Variants in MED13L observed in about 807,000 individuals in gnomAD.
MED13L encodes mediator complex subunit 13L, also known as mediator of RNA polymerase II transcription subunit 13-like.
Under a neutral mutation model 220.9 loss-of-function variants are expected in MED13L, and 7 were observed. The ratio of observed to expected loss-of-function variants is 0.03; its 90% CI spans 0.02 to 0.06. The LOEUF (loss-of-function observed/expected upper bound fraction) is 0.06, where lower values mean the gene tolerates loss of function less well. MED13L is among the 10% of genes least tolerant of loss of function. The pLI is 1.00. For synonymous variants in MED13L, 1,011 were observed against 1,015.2 expected, an observed-to-expected ratio of 1.00 and a Z score of 0.08; for missense variants, 1,965 against 2,760.5, an observed-to-expected ratio of 0.71 and a Z score of 6.46.
rs550767565 is a variant in MED13L at position 116,202,369 on chromosome 12, C to G, written c.310+35099G>C. ...AGATATAAGTACCCTTCGTTCAAAG[C>G]AGAATCATTTTACAGAGCTTAAGAT... On this transcript the variant is annotated intron_variant, in intron 2 of 30. Transcript: ENST00000281928. Among the ~76,000 whole-genome samples the G allele has an allele frequency of 6.0e-4, 92 of 152,228 alleles. No homozygotes were observed. In the South Asian group the frequency reaches 0.019, roughly 31 times the overall value.
At chr12:116,047,327 G>A (rs1359066916) in intron 4 of MED13L, among the ~76,000 whole-genome samples, 1 of 152,190 alleles carries the variant, frequency 6.6e-6, no homozygotes, top group African/African-American at 2.4e-5. Flanking sequence ...ACCCCAGCCT[G>A]GGTGACAGAG....
chr12:116,010,916 G>A (rs985064452), intron 9 of MED13L, among the ~76,000 whole-genome samples: 24 of 149,168 alleles, frequency 1.6e-4, no homozygotes, highest in Non-Finnish European at 2.5e-4. Context: ...GTCTCGCTCT[G>A]TCTAGGCTGG....
chr12:116,199,440 C>A (rs1398830220), intron 2 of MED13L, among the ~76,000 whole-genome samples: 1 of 152,176 alleles, frequency 6.6e-6, no homozygotes, highest in African/African-American at 2.4e-5. Context: ...TCCTCATCTG[C>A]AAGAAACACT....
In MED13L at chr12:116,237,542, T is replaced by A. The variant is rs1231054017; in HGVS notation, c.236A>T (p.Asp79Val). The change falls in exon 2 of 31, where the codon GAT (aspartate) becomes GTT (valine). Residue 79 changes from aspartate to valine, a missense_variant. By Grantham distance (152) the Asp-to-Val change is radical. Transcript: ENST00000281928. The part of the protein sequence containing the change: ...LCVWRRDVKP[D>V]CKELWIFWWG... ...CCAGAATATCCATAACTCTTTGCAA[T>A]CTGGTTTGACATCACGACGCCATAC... is the stretch of plus-strand genomic sequence containing the variant. 2 of 1,614,074 alleles carry A rather than the reference T, an allele frequency of 1.2e-6. No individual in the cohort carries two copies. The highest frequency in any genetic ancestry group is 2.7e-5 in the African/African-American group (2 of 74,908).
In MED13L at chr12:116,268,422, T is replaced by TA. The variant is rs1212367653; in HGVS notation, c.72+8637dup. On this transcript the variant is annotated intron_variant, in intron 1 of 30. Coordinates refer to ENST00000281928, the MANE Select transcript of MED13L (RefSeq NM_015335.5). ...AATTATACTCTTCTGAATACCTTAT[T>TA]AGTGCTCATATTAAGTTCAGATAAA... Among the ~76,000 whole-genome samples the TA allele has an allele frequency of 2.6e-5, 4 of 152,334 alleles. No individual in the cohort carries two copies. The East Asian group carries it at 7.7e-4, about 29-fold the overall frequency.
intron 4 of MED13L, 108 bp downstream of exon 4, chr12:116,096,561 A>C: frequency 1.3e-6 from 1 of 758,892 alleles, no homozygotes; most frequent in Non-Finnish European, 2.4e-6. Context: ...GATCTATTTG[A>C]GTATATCTAA....
chr12:116,092,442 T>C (rs1166975534), intron 4 of MED13L, among the ~76,000 whole-genome samples: 15 of 151,954 alleles, frequency 9.9e-5, no homozygotes, highest in Admixed American at 7.9e-4. Flanking sequence ...CAGTGATAGC[T>C]AATTAATTCA....
At chr12:116,108,890 T>C (rs1017170970) in intron 3 of MED13L, among the ~76,000 whole-genome samples, 9 of 152,032 alleles carry the variant, frequency 5.9e-5, no homozygotes, top group East Asian at 3.9e-4. Flanking sequence ...ACATGATATA[T>C]ATCTATCATC....
chr12:116,275,928 T>C (rs1430569009), intron 1 of MED13L, among the ~76,000 whole-genome samples: 2 of 152,204 alleles, frequency 1.3e-5, no homozygotes, highest in Non-Finnish European at 2.9e-5. Flanking sequence ...TAGCTATACA[T>C]ACAGTAACTC....
intron 4 of MED13L, among the ~76,000 whole-genome samples, chr12:116,033,009 G>A (rs927005900): frequency 2.0e-5 from 3 of 151,950 alleles, no homozygotes; most frequent in African/African-American, 7.3e-5. Context: ...GGAAGAGAGG[G>A]AGAAGATGAT....
At chr12:116,224,085 A>C (rs377293121) in intron 2 of MED13L, among the ~76,000 whole-genome samples, 1 of 152,322 alleles carries the variant, frequency 6.6e-6, no homozygotes, top group Non-Finnish European at 1.5e-5. Flanking sequence ...ATGATGGGCA[A>C]AAGTCAGATG....
intron 2 of MED13L, among the ~76,000 whole-genome samples, chr12:116,216,111 T>C (rs1241866158): frequency 6.6e-6 from 1 of 152,210 alleles, no homozygotes; most frequent in African/African-American, 2.4e-5. Flanking sequence ...TCTGCTCTTG[T>C]GACACTTTTA....
At position 116,170,416 on chromosome 12, in the gene MED13L, T is replaced by C. The variant is rs866262049; in HGVS notation, c.311-58904A>G. On this transcript the variant is annotated intron_variant, in intron 2 of 30. Transcript: ENST00000281928. ...CTGATTGATCATAGTTTATCAGTCA[T>C]TCTCTCAAGTATGATGCTCCATCTT... 2.6e-5 allele frequency among the ~76,000 whole-genome samples: 4 copies of C among 152,074 alleles called. No individual in the cohort carries two copies. The South Asian group carries it at 8.3e-4, about 32-fold the overall frequency.
intron 3 of MED13L, among the ~76,000 whole-genome samples, chr12:116,111,022 T>A (rs752004087): frequency 2.0e-5 from 3 of 152,198 alleles, no homozygotes; most frequent in Non-Finnish European, 2.9e-5. Flanking sequence ...ACATCTGAAT[T>A]GAACTACGGG....
At chr12:116,010,969 C>A (rs564631412) in intron 9 of MED13L, among the ~76,000 whole-genome samples, 7 of 151,764 alleles carry the variant, frequency 4.6e-5, no homozygotes, top group African/African-American at 1.7e-4. Flanking sequence ...CTCCGCCTCC[C>A]GGGTTCAAGC....
intron 1 of MED13L, among the ~76,000 whole-genome samples, chr12:116,252,550 A>T (rs2138523835): frequency 6.6e-6 from 1 of 152,208 alleles, no homozygotes; most frequent in Middle Eastern, 3.4e-3. Context: ...AAATAATAAT[A>T]AAAGGGCATA....
At chr12:116,013,439 A>C (rs1879539207) in intron 8 of MED13L, among the ~76,000 whole-genome samples, 2 of 152,218 alleles carry the variant, frequency 1.3e-5, no homozygotes, top group Admixed American at 1.3e-4. Flanking sequence ...ACATTGTATA[A>C]AATTACCTTC....
At chr12:116,264,916 C>A (rs893398682) in intron 1 of MED13L, among the ~76,000 whole-genome samples, 1 of 152,120 alleles carries the variant, frequency 6.6e-6, no homozygotes, top group Admixed American at 6.6e-5. Context: ...TTACTTGAGT[C>A]CCAGAGTTCA....
chr12:116,146,853 G>C (rs372600471), intron 2 of MED13L, among the ~76,000 whole-genome samples: 22 of 151,658 alleles, frequency 1.5e-4, no homozygotes, highest in East Asian at 9.7e-4. Flanking sequence ...GGGCAACAGA[G>C]CAAGGCTCTG....
Sources: allele counts gnomAD v4.1 joint callset (sites outside exome capture counted in the v4.1 genomes callset), GRCh38; gene constraint gnomAD v4.1.1; transcripts MANE v1.5; gene names NCBI Gene and HGNC (gene_info 2026-07-23, HGNC 2026-07-21).